AUTS2: variants seen among roughly 807,000 people sequenced by gnomAD.
The protein encoded by AUTS2 is activator of transcription and developmental regulator AUTS2.
A neutral mutation model predicts 112.4 loss-of-function variants in AUTS2; 17 were observed. The observed-to-expected ratio is 0.15, with a 90% CI of 0.10 to 0.23. AUTS2 has a LOEUF of 0.23. AUTS2 is among the 10% of genes least tolerant of loss of function. The probability of loss-of-function intolerance (pLI) is 1.00; values close to 1 mark genes in which losing one functional copy is unlikely to be tolerated. For synonymous variants in AUTS2, 751 were observed against 702.7 expected (o/e 1.07, Z -1.09); for missense variants, 1,510 against 1,701.6 (o/e 0.89, Z 1.98).
intron 4 of AUTS2, among the ~76,000 whole-genome samples, chr7:70,411,080 G>A (rs1794756528): frequency 6.6e-6 from 1 of 151,992 alleles, no homozygotes; most frequent in African/African-American, 2.4e-5. Flanking sequence ...GGGCAGGCTG[G>A]TCTCGAACTC....
At chr7:70,026,930 G>A (rs1800547703) in intron 2 of AUTS2, among the ~76,000 whole-genome samples, 1 of 151,832 alleles carries the variant, frequency 6.6e-6, no homozygotes, top group Non-Finnish European at 1.5e-5. Flanking sequence ...AGTTATAATG[G>A]TTTGACTTAT....
At chr7:70,181,787 C>T (rs1809321213) in intron 4 of AUTS2, among the ~76,000 whole-genome samples, 1 of 145,386 alleles carries the variant, frequency 6.9e-6, no homozygotes, top group East Asian at 2.1e-4. Context: ...CCAAGCCCAG[C>T]TGAGCTAACT....
intron 3 of AUTS2, among the ~76,000 whole-genome samples, chr7:70,130,901 A>G (rs1238834324): frequency 6.6e-6 from 1 of 152,140 alleles, no homozygotes; most frequent in African/African-American, 2.4e-5. Flanking sequence ...TGAAATGGCA[A>G]CTCTACCACT....
At chr7:70,786,466 G>A (rs1585692508) in intron 17 of AUTS2, among the ~76,000 whole-genome samples, 1 of 143,436 alleles carries the variant, frequency 7.0e-6, no homozygotes, top group Non-Finnish European at 1.5e-5. Flanking sequence ...CCACCAGGCT[G>A]CGACACCACC....
chr7:69,677,452 T>G (rs1796611409), intron 1 of AUTS2, among the ~76,000 whole-genome samples: 1 of 152,218 alleles, frequency 6.6e-6, no homozygotes, highest in Non-Finnish European at 1.5e-5. Flanking sequence ...ACCCCAGCAT[T>G]AACCCAGCCT....
intron 4 of AUTS2, among the ~76,000 whole-genome samples, chr7:70,365,575 TTAA>T (rs1368561375): frequency 1.3e-5 from 2 of 152,244 alleles, no homozygotes; most frequent in Non-Finnish European, 2.9e-5. Context: ...CAGCAAGCTC[TTAA>T]TAATGCAGTG....
intron 1 of AUTS2, among the ~76,000 whole-genome samples, chr7:69,817,276 T>C (rs1467260942): frequency 6.6e-6 from 1 of 152,242 alleles, no homozygotes; most frequent in Non-Finnish European, 1.5e-5. Flanking sequence ...AGCTGTGTTT[T>C]CGATTGCCAA....
At chr7:69,723,479 A>G (rs17140848) in intron 1 of AUTS2, among the ~76,000 whole-genome samples, 4,275 of 152,258 alleles carry the variant, frequency 0.028, 105 homozygotes, top group East Asian at 0.13. Context: ...TATTAGCTAT[A>G]TGACCATTAG....
At chr7:70,403,176 T>C (rs1280470985) in intron 4 of AUTS2, among the ~76,000 whole-genome samples, 2 of 152,198 alleles carry the variant, frequency 1.3e-5, no homozygotes, top group African/African-American at 4.8e-5. Context: ...ACTTGCAGAA[T>C]TGCTGGAAAA....
intron 2 of AUTS2, among the ~76,000 whole-genome samples, chr7:69,987,259 CTT>C (rs916031165): frequency 1.1e-3 from 175 of 152,242 alleles, no homozygotes; most frequent in African/African-American, 4.0e-3. Context: ...GGTAGGAAGA[CTT>C]TTGTAGATTA....
intron 2 of AUTS2, among the ~76,000 whole-genome samples, chr7:69,977,111 G>T (rs756594050): frequency 4.6e-5 from 7 of 152,108 alleles, no homozygotes; most frequent in Non-Finnish European, 8.8e-5. Context: ...TCCATGTTGA[G>T]TTAATTTTTG....
intron 5 of AUTS2, among the ~76,000 whole-genome samples, chr7:70,686,130 C>CCCTT (rs1808465156): frequency 6.6e-6 from 1 of 152,186 alleles, no homozygotes; most frequent in Non-Finnish European, 1.5e-5. Flanking sequence ...ATGTCCTGTC[C>CCCTT]CCTTAGGGGA....
At chr7:69,697,366 CATGCACTGAGCTAG>C (rs377662358) in intron 1 of AUTS2, among the ~76,000 whole-genome samples, 2 of 152,176 alleles carry the variant, frequency 1.3e-5, no homozygotes, top group African/African-American at 4.8e-5. Context: ...TCCATGGTGC[CATGCACTGAGCTAG>C]GTGCACTGGG....
intron 4 of AUTS2, among the ~76,000 whole-genome samples, chr7:70,282,486 A>T (rs1253373007): frequency 6.6e-6 from 1 of 152,190 alleles, no homozygotes; most frequent in African/African-American, 2.4e-5. Context: ...GGCACCTTCT[A>T]GCTGTGTCCT....
intron 5 of AUTS2, among the ~76,000 whole-genome samples, chr7:70,492,722 T>C (rs954356258): frequency 1.9e-4 from 29 of 152,080 alleles, no homozygotes; most frequent in Non-Finnish European, 4.4e-5. Flanking sequence ...TGAACTGCTG[T>C]CTGAGCAAAC....
At position 69,883,134 on chromosome 7, in the gene AUTS2, G is replaced by A. The variant is rs563137147; in HGVS notation, c.310-16152G>A. Among the ~76,000 whole-genome samples the A allele has an allele frequency of 4.6e-5, 7 of 152,250 alleles. No homozygotes were observed. In the South Asian group the frequency reaches 1.2e-3, roughly 27 times the overall value. Reference sequence around the variant, plus strand: ...CCAGTTCTCGGACTCAGATGTAACCGCCACCAATAAAGAGTAGGGATAGCA... The same window carrying A: ...CCAGTTCTCGGACTCAGATGTAACCACCACCAATAAAGAGTAGGGATAGCA... On this transcript the variant is annotated intron_variant, in intron 1 of 18. Coordinates refer to ENST00000342771, the MANE Select transcript of AUTS2 (RefSeq NM_015570.4).
chr7:69,911,805 T>C lies in AUTS2; in HGVS notation c.522+12307T>C, dbSNP rs887933548. The stretch of plus-strand genomic sequence containing the variant: ...CAGGCCTGGAAAAAGCACCATCCGA[T>C]TGGCCAAATGGTCATCAATGAAGTC... On this transcript the variant is annotated intron_variant, in intron 2 of 18. Coordinates refer to ENST00000342771, the MANE Select transcript of AUTS2 (RefSeq NM_015570.4). Among the ~76,000 whole-genome samples the C allele has an allele frequency of 9.9e-5, 15 of 152,238 alleles. No homozygotes were observed. The East Asian group carries it at 1.7e-3, about 18-fold the overall frequency.
chr7:69,705,249 C>T (rs897097438), intron 1 of AUTS2, among the ~76,000 whole-genome samples: 1 of 152,194 alleles, frequency 6.6e-6, no homozygotes, highest in African/African-American at 2.4e-5. Context: ...GTATTCCTAA[C>T]AATGTGCGTG....
intron 4 of AUTS2, among the ~76,000 whole-genome samples, chr7:70,196,807 T>G (rs1017713112): frequency 6.6e-6 from 1 of 152,152 alleles, no homozygotes; most frequent in South Asian, 2.1e-4. Flanking sequence ...GCTCACTAGT[T>G]TTGGTACTAT....
Sources: allele counts gnomAD v4.1 joint callset (sites outside exome capture counted in the v4.1 genomes callset), GRCh38; gene constraint gnomAD v4.1.1; transcripts MANE v1.5; gene names NCBI Gene and HGNC (gene_info 2026-07-23, HGNC 2026-07-21).